Variants in ATP10A observed in about 807,000 individuals in gnomAD.
ATP10A encodes the protein ATPase phospholipid transporting 10A (putative).
ATP10A carries 111 observed loss-of-function variants against 147.8 expected under a neutral mutation model. The ratio of observed to expected loss-of-function variants is 0.75; its 90% CI spans 0.64 to 0.88. The LOEUF is 0.88. ATP10A is among the 40% of genes least tolerant of loss of function. The pLI, the probability that ATP10A is intolerant of heterozygous loss-of-function variation, is 0.00. For synonymous variants in ATP10A, 875 were observed against 841.6 expected, an observed-to-expected ratio of 1.04 and a Z score of -0.69; for missense variants, 1,927 against 1,959.0, an observed-to-expected ratio of 0.98 and a Z score of 0.31.
chr15:25,738,324 C>T (rs1887402689), intron 2 of ATP10A, among the ~76,000 whole-genome samples: 1 of 152,198 alleles, frequency 6.6e-6, no homozygotes, highest in South Asian at 2.1e-4. Context: ...GCTCTGGGCA[C>T]ACTAACTCCA....
chr15:25,858,804 G>C (rs1893628201), intron 1 of ATP10A, among the ~76,000 whole-genome samples: 1 of 152,114 alleles, frequency 6.6e-6, no homozygotes, highest in Admixed American at 6.5e-5. Context: ...CAGAAATACT[G>C]CTGGTTACAT....
At chr15:25,793,300 C>A (rs1166000995) in intron 1 of ATP10A, among the ~76,000 whole-genome samples, 2 of 152,220 alleles carry the variant, frequency 1.3e-5, no homozygotes, top group African/African-American at 4.8e-5. Flanking sequence ...GCACTGCAAT[C>A]ATACCTGCTC....
chr15:25,840,663 G>C (rs189782620), intron 1 of ATP10A, among the ~76,000 whole-genome samples: 1 of 152,182 alleles, frequency 6.6e-6, no homozygotes, highest in East Asian at 1.9e-4. Flanking sequence ...CATTTATCTG[G>C]GGTAAATGCC....
chr15:25,765,336 T>G (rs1331494578), intron 2 of ATP10A, among the ~76,000 whole-genome samples: 1 of 152,144 alleles, frequency 6.6e-6, no homozygotes, highest in Non-Finnish European at 1.5e-5. Context: ...ATCAGAACTT[T>G]CCATTAGAAA....
chr15:25,752,724 C>T (rs555696060), intron 2 of ATP10A, among the ~76,000 whole-genome samples: 17 of 152,236 alleles, frequency 1.1e-4, no homozygotes, highest in African/African-American at 3.9e-4. Context: ...TGACAGATAG[C>T]GCATTGTATC....
rs558049041 is a variant in ATP10A at position 25,828,635 on chromosome 15, A to G, written c.449+34013T>C. On this transcript the variant is annotated intron_variant, in intron 1 of 20. Transcript: ENST00000555815. ...ACACCAAAACATACGGGATGCAGCT[A>G]AAGCAGGGCTTAGAGGGAAATTTAA... 5.9e-5 allele frequency among the ~76,000 whole-genome samples: 9 copies of G among 152,380 alleles called. No homozygotes were observed. The South Asian group carries it at 1.2e-3, about 21-fold the overall frequency.
intron 1 of ATP10A, among the ~76,000 whole-genome samples, chr15:25,835,069 C>T (rs1596975903): frequency 6.6e-6 from 1 of 152,056 alleles, no homozygotes; most frequent in African/African-American, 2.4e-5. Context: ...TTGAGACCAG[C>T]CTGGGCAACA....
intron 1 of ATP10A, among the ~76,000 whole-genome samples, chr15:25,832,252 C>T (rs1367647921): frequency 1.3e-5 from 2 of 152,220 alleles, no homozygotes; most frequent in Non-Finnish European, 2.9e-5. Context: ...AGCCTTGAAG[C>T]CTCAGAACTG....
intron 1 of ATP10A, among the ~76,000 whole-genome samples, chr15:25,809,986 A>G (rs10873609): frequency 0.55 from 83,292 of 150,328 alleles, 24,126 homozygotes; most frequent in East Asian, 0.8. Flanking sequence ...TGCATGGTGA[A>G]CCATCCAAAC....
intron 1 of ATP10A, among the ~76,000 whole-genome samples, chr15:25,790,948 G>C (rs181594345): frequency 6.6e-6 from 1 of 152,058 alleles, no homozygotes; most frequent in South Asian, 2.1e-4. Flanking sequence ...TTATTCCTAC[G>C]GAGAAGTTTT....
chr15:25,762,584 T>C (rs1888816413), intron 2 of ATP10A, among the ~76,000 whole-genome samples: 1 of 151,820 alleles, frequency 6.6e-6, no homozygotes. Flanking sequence ...CCCAAGCCTA[T>C]TTATTTATTA....
intron 1 of ATP10A, among the ~76,000 whole-genome samples, chr15:25,827,010 G>C (rs7168502): frequency 0.94 from 142,543 of 152,258 alleles, 67,211 homozygotes; most frequent in Non-Finnish European, 1. Flanking sequence ...CTGGAAGAAA[G>C]AAAGAAAAAA....
Position 25,679,563 on chromosome 15 carries a change from C to G in ATP10A, c.4278G>C (p.Leu1426=). ...RAASTGRVTP[L]SSLFSLPTFS... is the part of the protein sequence containing the mutation. ...AGGTAGGCAGGCTGAAGAGGGAAGA[C>G]AGGGGGGTCACCCTGCCGGTGCTGG... The change falls in exon 21 of 21, where the codon CTG becomes CTC. Residue 1426 remains leucine, a synonymous_variant. Coordinates refer to ENST00000555815, the MANE Select transcript of ATP10A (RefSeq NM_024490.4). The G allele has an allele frequency of 9.3e-6, 15 of 1,611,694 alleles. No individual in the cohort carries two copies. The highest frequency in any genetic ancestry group is 1.3e-5 in the Non-Finnish European group (15 of 1,178,200).
At chr15:25,738,867 C>G (rs1164827090) in intron 2 of ATP10A, among the ~76,000 whole-genome samples, 1 of 152,164 alleles carries the variant, frequency 6.6e-6, no homozygotes, top group Non-Finnish European at 1.5e-5. Flanking sequence ...TTTGCACCAC[C>G]TTCAACTTAG....
chr15:25,674,070 G>C (rs114223034), downstream of ATP10A, among the ~76,000 whole-genome samples: 1 of 152,226 alleles, frequency 6.6e-6, no homozygotes, highest in Non-Finnish European at 1.5e-5. Context: ...GAACGTGATG[G>C]CAAGCCTTGG....
At chr15:25,697,609 G>A (rs967785498) in intron 13 of ATP10A, among the ~76,000 whole-genome samples, 2 of 152,158 alleles carry the variant, frequency 1.3e-5, no homozygotes, top group Admixed American at 6.5e-5. Context: ...ATATTTCAGA[G>A]AACCAAATAG....
chr15:25,832,981 C>CT (rs202037774), intron 1 of ATP10A, among the ~76,000 whole-genome samples: 22,437 of 124,204 alleles, frequency 0.18, 2,497 homozygotes, highest in South Asian at 0.31. Context: ...CTATTTTATT[C>CT]TTTTTTTTTT....
At position 25,844,233 on chromosome 15, in the gene ATP10A, C is replaced by T. The variant is rs112204135; in HGVS notation, c.449+18415G>A. ...ATTTTCATAAAGACGAGGGGAGAAT[C>T]TGCCATTCAGTAGAAGGGACCCTGA... On this transcript the variant is annotated intron_variant, in intron 1 of 20. Coordinates refer to ENST00000555815, the MANE Select transcript of ATP10A (RefSeq NM_024490.4). 1.9e-3 allele frequency among the ~76,000 whole-genome samples: 295 copies of T among 152,274 alleles called. 3 individuals are homozygous for T. The highest frequency in any genetic ancestry group is 6.9e-3 in the African/African-American group (285 of 41,544).
At chr15:25,708,171 A>T (rs202031301) in intron 11 of ATP10A, 26 bp downstream of exon 11, 2 of 1,613,884 alleles carry the variant, frequency 1.2e-6, no homozygotes, top group Admixed American at 3.3e-5. Flanking sequence ...CTGCACGTGC[A>T]CCCTCGCGGA....
Sources: allele counts gnomAD v4.1 joint callset (sites outside exome capture counted in the v4.1 genomes callset), GRCh38; gene constraint gnomAD v4.1.1; transcripts MANE v1.5; gene names NCBI Gene and HGNC (gene_info 2026-07-23, HGNC 2026-07-21).